Variants in BRAP observed in about 807,000 individuals in gnomAD.
BRAP encodes the protein BRCA1-associated protein.
In BRAP, 42 loss-of-function variants were observed where a neutral mutation model predicts 73.4. The ratio of observed to expected loss-of-function variants is 0.57; its 90% CI spans 0.45 to 0.74. The LOEUF is 0.74. Among genes scored for constraint, BRAP ranks in the 30% least tolerant of loss-of-function variants. BRAP has a pLI of 0.00. For missense variants in BRAP, 593 were observed against 751.4 expected, an observed-to-expected ratio of 0.79 and a Z score of 2.46; for synonymous variants, 255 against 267.4, an observed-to-expected ratio of 0.95 and a Z score of 0.45.
At chr12:111,652,315 C>CT (rs1449949972) in intron 10 of BRAP, among the ~76,000 whole-genome samples, 1 of 152,122 alleles carries the variant, frequency 6.6e-6, no homozygotes, top group Non-Finnish European at 1.5e-5. Flanking sequence ...ACTCCGCCTC[C>CT]TGGGTTCATG....
At position 111,683,206 on chromosome 12, in the gene BRAP, G is replaced by A; in HGVS notation, c.184C>T (p.Gln62Ter). The change falls in exon 2 of 12, where the codon CAG (glutamine) becomes TAG (stop). Residue 62 changes from glutamine (Q) to a stop codon, truncating the protein, a stop_gained. Transcript: ENST00000419234. LOFTEE classifies it high-confidence loss of function. ...SPGEKVAIIH[Q>*]HLGRREMTDV... The stretch of plus-strand genomic sequence containing the variant: ...GTCATTTCTCGACGGCCGAGATGCT[G>A]ATGGATAATCGCTACTTTCTCTCCT... 6.2e-7 allele frequency: 1 copy of A among 1,614,198 alleles called. No homozygotes were observed. The highest frequency in any genetic ancestry group is 8.5e-7 in the Non-Finnish European group (1 of 1,180,034).
intron 5 of BRAP, among the ~76,000 whole-genome samples, chr12:111,666,640 G>A (rs1886956712): frequency 6.6e-6 from 1 of 152,184 alleles, no homozygotes; most frequent in South Asian, 2.1e-4. Flanking sequence ...AGCCACAACA[G>A]GGTGTGAATT....
rs1035129198 is a variant in BRAP, at chr12:111,665,911, T to C, written c.748-124A>G. The C allele has an allele frequency of 1.5e-6, 2 of 1,329,766 alleles. No homozygotes were observed. Among genetic ancestry groups the C allele is most frequent in the African/African-American group, 2.9e-5 (2 of 69,064 alleles). The allele number at this position is 1,329,766 out of a possible 1,614,324, so 82.4% of individuals were successfully genotyped here. On this transcript the variant is annotated intron_variant, in intron 5 of 11. Transcript: ENST00000419234. This position sits in a 1 kb window ranked among gnomAD's most constrained non-coding sequence, Gnocchi z 4.3. ...ACGCTGGAGCCCAGTGGCGCAATCA[T>C]GGCTCATTACAGCCTTGACCTCCCA...
Position 111,685,712 on chromosome 12 carries a change from C to G in BRAP, c.81G>C (p.Ala27=). 1 of 1,604,218 alleles carries G rather than the reference C, an allele frequency of 6.2e-7. No individual in the cohort carries two copies. The highest frequency in any genetic ancestry group is 8.5e-7 in the Non-Finnish European group (1 of 1,176,950). ...PVPAGFGFSA[A]AGEMSDEEIK... is the part of the protein sequence containing the mutation. ...ATGCGGCGAGGCCGCGGGACTCACC[C>G]GCGGCGCTGAAGCCGAAGCCGGCGG... is the stretch of plus-strand genomic sequence containing the variant. The change falls in exon 1 of 12, where the codon GCG becomes GCC. Residue 27 remains alanine (A), a splice_region_variant and synonymous_variant. Coordinates refer to ENST00000419234, the MANE Select transcript of BRAP (RefSeq NM_006768.5).
chr12:111,682,861 G>A (rs540606412), intron 2 of BRAP, among the ~76,000 whole-genome samples: 2 of 152,068 alleles, frequency 1.3e-5, no homozygotes, highest in Admixed American at 6.5e-5. Flanking sequence ...GTAATGACCC[G>A]ACATTGCACC....
chr12:111,652,588 A>G (rs1258913098), intron 10 of BRAP, among the ~76,000 whole-genome samples: 4 of 152,282 alleles, frequency 2.6e-5, no homozygotes, highest in East Asian at 1.9e-4. Context: ...TTATTAAAAC[A>G]TTTCTGGTCC....
intron 2 of BRAP, among the ~76,000 whole-genome samples, chr12:111,682,926 C>T (rs543763182): frequency 3.3e-5 from 5 of 152,052 alleles, no homozygotes; most frequent in Admixed American, 6.6e-5. Flanking sequence ...AAGTCCCCCC[C>T]GTCACTGAAC....
intron 4 of BRAP, among the ~76,000 whole-genome samples, chr12:111,677,350 C>G (rs542607441): frequency 6.6e-6 from 1 of 152,288 alleles, no homozygotes; most frequent in Non-Finnish European, 1.5e-5. Flanking sequence ...GAATGTCTCA[C>G]AAACAACCGC....
rs770430170 is a variant in BRAP, at chr12:111,649,901, T to C, written c.1415+38A>G. The C allele has an allele frequency of 1.3e-5, 18 of 1,387,956 alleles. No homozygotes were observed. The Admixed American group carries it at 2.8e-4, about 22-fold the overall frequency. The allele number at this position is 1,387,956 out of a possible 1,614,324, so 86.0% of individuals were successfully genotyped here. On this transcript the variant is annotated intron_variant, in intron 11 of 11. Coordinates refer to ENST00000419234, the MANE Select transcript of BRAP (RefSeq NM_006768.5). Reference sequence around the variant, plus strand: ...AGGAATGAAAGAAACTGTCTGTTTATAGAGCCTGTTACAACAGAATAGACC... The same window carrying C: ...AGGAATGAAAGAAACTGTCTGTTTACAGAGCCTGTTACAACAGAATAGACC...
chr12:111,650,692 C>T (rs1886284925), intron 10 of BRAP, among the ~76,000 whole-genome samples: 2 of 152,222 alleles, frequency 1.3e-5, no homozygotes, highest in South Asian at 4.1e-4. Context: ...TGCGCCTGAC[C>T]TAATTTTTGT....
chr12:111,660,406 A>G (rs1316804174), intron 7 of BRAP, among the ~76,000 whole-genome samples, 194 bp downstream of exon 7: 2 of 152,064 alleles, frequency 1.3e-5, no homozygotes. Context: ...TCCCAGCACT[A>G]TGGGTGGCTG....
In BRAP at chr12:111,681,710, C is replaced by T. The variant is rs1887607376; in HGVS notation, c.370G>A (p.Asp124Asn). ...APDSPSKQLPDQISFFSGNPS... is the reference protein window; with the variant it reads ...APDSPSKQLPNQISFFSGNPS... ...TTTCCACTGAAGAATGAAATCTGGT[C>T]TGGAAGCTGTTTGGACGGAGAATCT... is the stretch of plus-strand genomic sequence containing the variant. Residue 124 changes from aspartate (D) to asparagine (N), a missense_variant, in exon 3 of 12, where the codon GAC becomes AAC. Transcript: ENST00000419234. 6.2e-7 allele frequency: 1 copy of T among 1,613,918 alleles called. No individual in the cohort carries two copies. Among genetic ancestry groups the T allele is most frequent in the African/African-American group, 1.3e-5 (1 of 74,976 alleles).
rs915369168 is a variant in BRAP at position 111,643,123 on chromosome 12, G to C, written c.*1076C>G. On this transcript the variant is annotated 3_prime_UTR_variant, in exon 12 of 12. Coordinates refer to ENST00000419234, the MANE Select transcript of BRAP (RefSeq NM_006768.5). Reference sequence around the variant, plus strand: ...AAATTATTTGACATTTATGGTTCCAGAGAGAGTACACAGCCCCTCTGTTGG... The same window carrying C: ...AAATTATTTGACATTTATGGTTCCACAGAGAGTACACAGCCCCTCTGTTGG... 1 of 152,160 alleles carries C rather than the reference G, an allele frequency of 6.6e-6. No individual in the cohort carries two copies. The highest frequency in any genetic ancestry group is 1.5e-5 in the Non-Finnish European group (1 of 68,038). 9.4% of individuals were successfully genotyped at this position (152,160 alleles called of 1,614,324 possible).
intron 4 of BRAP, among the ~76,000 whole-genome samples, chr12:111,676,292 A>G (rs76383979): frequency 0.016 from 2,379 of 152,336 alleles, 74 homozygotes; most frequent in African/African-American, 0.054. Context: ...GAATAAAAAC[A>G]TAGTTAGGTG....
intron 5 of BRAP, among the ~76,000 whole-genome samples, chr12:111,672,072 G>A (rs1887198851): frequency 6.6e-6 from 1 of 152,034 alleles, no homozygotes; most frequent in Non-Finnish European, 1.5e-5. Flanking sequence ...CAGGCGTGGT[G>A]GTACACACTT....
At chr12:111,650,322 G>A (rs371960584) in intron 10 of BRAP, among the ~76,000 whole-genome samples, 7 of 152,174 alleles carry the variant, frequency 4.6e-5, no homozygotes, top group African/African-American at 1.4e-4. Context: ...CTGGAGTGCA[G>A]TGGGATGATC....
In BRAP at chr12:111,655,453, T is replaced by C. The variant is rs1207675629; in HGVS notation, c.1311+113A>G. The C allele has an allele frequency of 4.8e-6, 4 of 830,790 alleles. No homozygotes were observed. In the African/African-American group the frequency reaches 6.8e-5, roughly 14 times the overall value. The allele number at this position is 830,790 out of a possible 1,614,324, so 51.5% of individuals were successfully genotyped here. On this transcript the variant is annotated intron_variant, in intron 10 of 11. Transcript: ENST00000419234. Reference sequence around the variant, plus strand: ...AACAGTTCTCCACCTATTACCTGCCTGAGAAGGGAAGATGGTAAGATTCCT... The same window carrying C: ...AACAGTTCTCCACCTATTACCTGCCCGAGAAGGGAAGATGGTAAGATTCCT...
At chr12:111,647,185 C>CT (rs1287373742) in intron 11 of BRAP, among the ~76,000 whole-genome samples, 2 of 152,092 alleles carry the variant, frequency 1.3e-5, no homozygotes, top group Non-Finnish European at 2.9e-5. Flanking sequence ...CTAGGAGGAC[C>CT]ACTTGAGCCC....
At chr12:111,663,794 A>T (rs1186579841) in intron 6 of BRAP, among the ~76,000 whole-genome samples, 1 of 151,974 alleles carries the variant, frequency 6.6e-6, no homozygotes, top group African/African-American at 2.4e-5. Flanking sequence ...AAGGCTCAAA[A>T]CTCATTAAAT....
Sources: gnomAD v4.1 joint callset for allele counts (sites outside exome capture counted in the v4.1 genomes callset) on GRCh38, gnomAD v4.1.1 for gene constraint, Gnocchi (gnomAD v3.1) non-coding constraint, MANE v1.5 for transcripts, NCBI Gene and HGNC (gene_info 2026-07-23, HGNC 2026-07-21) for gene names.